The following NDUFC1 variants were observed in gnomAD, a reference collection of about 807,000 sequenced individuals.
The protein encoded by NDUFC1 is NADH:ubiquinone oxidoreductase subunit C1.
A neutral mutation model predicts 11.6 loss-of-function variants in NDUFC1; 11 were observed. The ratio of observed to expected loss-of-function variants is 0.95; its 90% confidence interval spans 0.60 to 1.58. NDUFC1 has a LOEUF of 1.58. NDUFC1 is among the 40% of genes most tolerant of loss of function. NDUFC1 has a pLI of 0.00. For synonymous variants in NDUFC1, 52 were observed against 42.2 expected (o/e 1.23, Z -0.90); for missense variants, 112 against 93.0 (o/e 1.20, Z -0.84).
chr4:139,301,579 C>A (rs1244951380), intron 1 of NDUFC1: 1 of 614,006 alleles, frequency 1.6e-6, no homozygotes. Flanking sequence ...GCGGCGGCAG[C>A]GTTAAGTGAG....
chr4:139,293,944 T>A (rs13147064), intron 4 of NDUFC1, among the ~76,000 whole-genome samples: 1 of 139,916 alleles, frequency 7.1e-6, no homozygotes, highest in South Asian at 2.4e-4. Context: ...TTTTTTTTTT[T>A]TTTTTTTTTT....
chr4:139,293,823 T>C (rs1424942585), intron 4 of NDUFC1, among the ~76,000 whole-genome samples: 2 of 152,016 alleles, frequency 1.3e-5, no homozygotes, highest in Admixed American at 6.6e-5. Flanking sequence ...TTCAGCAAAC[T>C]AGTTTCTCCA....
chr4:139,301,426 A>G, intron 1 of NDUFC1: 1 of 429,904 alleles, frequency 2.3e-6, no homozygotes, highest in South Asian at 5.7e-5. Context: ...AACCCAGAGG[A>G]GGTGGGGAAA....
intron 1 of NDUFC1, chr4:139,301,784 G>T: frequency 6.3e-7 from 1 of 1,580,510 alleles, no homozygotes; most frequent in Non-Finnish European, 8.6e-7. Context: ...AACGATGCCG[G>T]CCGTGAGCCT....
At chr4:139,293,882 T>C (rs193193241) in intron 4 of NDUFC1, among the ~76,000 whole-genome samples, 4 of 151,884 alleles carry the variant, frequency 2.6e-5, no homozygotes, top group Admixed American at 1.3e-4. Context: ...CCACGTAGTG[T>C]TGTTGAAATG....
intron 3 of NDUFC1, 70 bp from the exon 4 acceptor site, chr4:139,295,216 T>G (rs754267848): frequency 4.2e-6 from 5 of 1,183,302 alleles, no homozygotes; most frequent in Non-Finnish European, 6.3e-6. Flanking sequence ...AACATTTACG[T>G]GCGTATTATC....
rs1164436969 is a variant in NDUFC1, at chr4:139,295,044, T to C, written c.170A>G (p.Tyr57Cys). ...GACATCCGGGAGTAAAGTACTTACA[T>C]AGATCCACAAGAAGACAGTGGTGCC... ...TLGTTVFLWI[Y>C]LIKQHNEDIL... Residue 57 changes from tyrosine (Y) to cysteine (C), a missense_variant and splice_region_variant, in exon 4 of 6, where the codon TAT becomes TGT. Transcript: ENST00000394223. The C allele has an allele frequency of 1.4e-5, 22 of 1,613,048 alleles. No homozygotes were observed. The highest frequency in any genetic ancestry group is 1.7e-5 in the Non-Finnish European group (20 of 1,179,190).
intron 1 of NDUFC1, chr4:139,301,858 T>C: frequency 6.3e-7 from 1 of 1,575,888 alleles, no homozygotes. Context: ...GGGCAAGCGG[T>C]GGGGAGGATT....
intron 5 of NDUFC1, among the ~76,000 whole-genome samples, chr4:139,290,542 A>T (rs1258215100): frequency 1.3e-5 from 2 of 151,950 alleles, no homozygotes; most frequent in African/African-American, 2.4e-5. Flanking sequence ...TAAAGAGCTC[A>T]GTTTCAGAGT....
At chr4:139,294,133 C>G (rs1745353810) in intron 4 of NDUFC1, among the ~76,000 whole-genome samples, 1 of 151,484 alleles carries the variant, frequency 6.6e-6, no homozygotes, top group Non-Finnish European at 1.5e-5. Flanking sequence ...TTGGTAGAGA[C>G]GAGGTTTCAC....
At chr4:139,302,013 C>T (rs1055933505) in intron 1 of NDUFC1, 8 of 550,964 alleles carry the variant, frequency 1.5e-5, no homozygotes, top group African/African-American at 7.9e-5. Context: ...GCCCGCGCGC[C>T]AGGGACCACA....
intron 1 of NDUFC1, chr4:139,301,544 C>T (rs781028620): frequency 1.1e-4 from 64 of 573,496 alleles, no homozygotes; most frequent in Non-Finnish European, 1.8e-4. Context: ...ACGTGAACCG[C>T]CGACGGAGAC....
At chr4:139,290,969 C>T (rs1470155511) in intron 5 of NDUFC1, among the ~76,000 whole-genome samples, 2 of 151,482 alleles carry the variant, frequency 1.3e-5, no homozygotes, top group African/African-American at 4.8e-5. Context: ...ACCACCATGC[C>T]TAGCTATTTT....
chr4:139,291,224 C>T (rs1188737010), intron 5 of NDUFC1, among the ~76,000 whole-genome samples: 1 of 151,846 alleles, frequency 6.6e-6, no homozygotes, highest in Non-Finnish European at 1.5e-5. Flanking sequence ...AACTGTCCAA[C>T]TGGGTATTAG....
rs1321697256 is a variant in NDUFC1 at position 139,295,807 on chromosome 4, G to A, written c.-9C>T. 4.5e-6 allele frequency: 7 copies of A among 1,544,078 alleles called. No homozygotes were observed. The highest frequency in any genetic ancestry group is 2.4e-5 in the South Asian group (2 of 83,554). ...AAGGCGGACGGCGCCATCTTGCGTG[G>A]CCCAGCTCAGTCTCTCCGAGTTGGC... On this transcript the variant is annotated 5_prime_UTR_variant, in exon 3 of 6. Transcript: ENST00000394223.
At chr4:139,299,267 C>CTT (rs573787290) in intron 1 of NDUFC1, among the ~76,000 whole-genome samples, 3 of 140,656 alleles carry the variant, frequency 2.1e-5, no homozygotes, top group Admixed American at 7.2e-5. Context: ...CAAGCCCAGC[C>CTT]TTTTTTTTTT....
rs976489646 is a variant in NDUFC1, at chr4:139,301,919, G to A, written c.-222+497C>T. On this transcript the variant is annotated intron_variant, in intron 1 of 5. Coordinates refer to ENST00000394223, the MANE Select transcript of NDUFC1 (RefSeq NM_001184989.2). ...CTAACCTCGGCCCGGCGGGCACTGAGCCACTCCCGCCCGGGACCCCGCCTT... is the reference window on the plus strand; with the variant it reads ...CTAACCTCGGCCCGGCGGGCACTGAACCACTCCCGCCCGGGACCCCGCCTT... 9 of 1,397,206 alleles carry A rather than the reference G, an allele frequency of 6.4e-6. No homozygotes were observed. The Admixed American group carries it at 1.5e-4, about 24-fold the overall frequency. The allele number at this position is 1,397,206 out of a possible 1,614,324, so 86.6% of individuals were successfully genotyped here. A position where few individuals can be genotyped will look rare whatever the true frequency, so the allele number is the denominator to read the frequency against.
chr4:139,301,670 G>C, intron 1 of NDUFC1: 1 of 1,310,594 alleles, frequency 7.6e-7, no homozygotes, highest in Non-Finnish European at 1.1e-6. Flanking sequence ...GGTGGCGGCG[G>C]ATCGAGATAT....
In NDUFC1 at chr4:139,293,930, A is replaced by ATTTTT. The variant is rs775805536; in HGVS notation, c.171+1108_171+1112dup. The stretch of plus-strand genomic sequence containing the variant: ...TTTATGTGTAAAGCATGTGGTGTGA[A>ATTTTT]TTTTTTTTTTTTTTTTTTTTTTTTT... On this transcript the variant is annotated intron_variant, in intron 4 of 5. Transcript: ENST00000394223. Among the ~76,000 whole-genome samples the ATTTTT allele has an allele frequency of 2.1e-3, 147 of 69,752 alleles. 8 individuals carry two copies. The highest frequency in any genetic ancestry group is 2.4e-3 in the Non-Finnish European group (100 of 40,872). 45.8% of individuals were successfully genotyped at this position (69,752 alleles called of 152,430 possible). A position where few individuals can be genotyped will look rare whatever the true frequency, so the allele number is the denominator to read the frequency against.
Sources: allele counts gnomAD v4.1 joint callset (sites outside exome capture counted in the v4.1 genomes callset), GRCh38; gene constraint gnomAD v4.1.1; transcripts MANE v1.5; gene names NCBI Gene and HGNC (gene_info 2026-07-23, HGNC 2026-07-21).